Variants in NUS1 observed in about 807,000 individuals in gnomAD.
NUS1 encodes dehydrodolichyl diphosphate synthase complex subunit NUS1.
For synonymous variants in NUS1, 135 were observed against 155.2 expected, an observed-to-expected ratio of 0.87 and a Z score of 0.97; for missense variants, 292 against 382.9, an observed-to-expected ratio of 0.76 and a Z score of 1.98.
intron 1 of NUS1, among the ~76,000 whole-genome samples, chr6:117,678,869 A>G (rs1773021860): frequency 6.6e-6 from 1 of 151,940 alleles, no homozygotes; most frequent in East Asian, 1.9e-4. Context: ...TTCAGTAGAG[A>G]CAGGGTTTTG....
In NUS1 at chr6:117,707,358, G is replaced by A. The variant is rs1001259886; in HGVS notation, c.*343G>A. 3.2e-5 allele frequency: 8 copies of A among 247,958 alleles called. No individual in the cohort carries two copies. The highest frequency in any genetic ancestry group is 6.4e-5 in the Non-Finnish European group (8 of 125,652). The allele number at this position is 247,958 out of a possible 1,614,324, so 15.4% of individuals were successfully genotyped here. ...GCCCAGCTACTTCCCTATTTTTGTG[G>A]GGAGAAGAGGGCCTGATTAGAACTG... On this transcript the variant is annotated 3_prime_UTR_variant, in exon 5 of 5. Coordinates refer to ENST00000368494, the MANE Select transcript of NUS1 (RefSeq NM_138459.5).
In NUS1 at chr6:117,703,586, GTATT is replaced by G. The variant is rs1773459624; in HGVS notation, c.692-9_692-6del. Reference sequence around the variant, plus strand: ...CATGCAGTGCATGTTAAGTTCATGTGTATTTATTTATTTCCAAGGTTCAAATGGT... The same window carrying G: ...CATGCAGTGCATGTTAAGTTCATGTGTATTTATTTCCAAGGTTCAAATGGT... On this transcript the variant is annotated splice_polypyrimidine_tract_variant and intron_variant, in intron 3 of 4. Transcript: ENST00000368494. 6.4e-7 allele frequency: 1 copy of G among 1,564,538 alleles called. No homozygotes were observed. Among genetic ancestry groups the G allele is most frequent in the East Asian group, 2.2e-5 (1 of 44,636 alleles).
rs1382094546 is a variant in NUS1 at position 117,710,205 on chromosome 6, A to T, written c.*3190A>T. ...TGGTTTGTCTTATGCTGCATAGACT[A>T]TTCACCTCCTAACTTGAAGGTCTAA... On this transcript the variant is annotated 3_prime_UTR_variant, in exon 5 of 5. Coordinates refer to ENST00000368494, the MANE Select transcript of NUS1 (RefSeq NM_138459.5). 6.6e-6 allele frequency: 1 copy of T among 152,130 alleles called. No homozygotes were observed. Among genetic ancestry groups the T allele is most frequent in the African/African-American group, 2.4e-5 (1 of 41,428 alleles). 9.4% of individuals were successfully genotyped at this position (152,130 alleles called of 1,614,324 possible). A position where few individuals can be genotyped will look rare whatever the true frequency, so the allele number is the denominator to read the frequency against.
At chr6:117,700,691 G>C (rs1042153586) in intron 3 of NUS1, among the ~76,000 whole-genome samples, 1 of 152,162 alleles carries the variant, frequency 6.6e-6, no homozygotes, top group Non-Finnish European at 1.5e-5. Flanking sequence ...CAATAGCCAA[G>C]ATTTGGAAGC....
rs1773557570 is a variant in NUS1, at chr6:117,710,312, TC to T, written c.*3299del. On this transcript the variant is annotated 3_prime_UTR_variant, in exon 5 of 5. Transcript: ENST00000368494. ...GGCAAATAACTGCTTACTAGGAACT[TC>T]CTTTAGCAAAAATTACTATAAAGTT... is the stretch of plus-strand genomic sequence containing the variant. 1 of 152,050 alleles carries T rather than the reference TC, an allele frequency of 6.6e-6. No individual in the cohort carries two copies. The highest frequency in any genetic ancestry group is 2.4e-5 in the African/African-American group (1 of 41,352). The allele number at this position is 152,050 out of a possible 1,614,324, so 9.4% of individuals were successfully genotyped here.
intron 1 of NUS1, among the ~76,000 whole-genome samples, chr6:117,687,340 A>T (rs1044771721): frequency 2.0e-5 from 3 of 152,254 alleles, no homozygotes; most frequent in Non-Finnish European, 4.4e-5. Flanking sequence ...TTGAACTGCT[A>T]TATGGAAAAT....
intron 3 of NUS1, among the ~76,000 whole-genome samples, chr6:117,697,572 C>T (rs924563551): frequency 1.3e-5 from 2 of 151,856 alleles, no homozygotes; most frequent in Non-Finnish European, 2.9e-5. Flanking sequence ...AGTCCACTAT[C>T]TAGTGATAAA....
intron 1 of NUS1, among the ~76,000 whole-genome samples, chr6:117,682,929 A>G (rs1263331435): frequency 6.6e-6 from 1 of 152,228 alleles, no homozygotes; most frequent in Non-Finnish European, 1.5e-5. Flanking sequence ...CAGGTTATAG[A>G]AATTATTTGT....
chr6:117,676,928 G>T (rs949990083), intron 1 of NUS1, among the ~76,000 whole-genome samples: 9 of 152,174 alleles, frequency 5.9e-5, no homozygotes, highest in African/African-American at 2.2e-4. Context: ...TTTGAACTGG[G>T]TTTATGAAAA....
chr6:117,676,222 G>A (rs1272662548), intron 1 of NUS1, 137 bp downstream of exon 1: 1 of 1,356,532 alleles, frequency 7.4e-7, no homozygotes, highest in Non-Finnish European at 1.0e-6. Flanking sequence ...GAGGAAGGGA[G>A]ATCAGCTTTA....
chr6:117,695,153 C>T (rs1343542330), intron 3 of NUS1, among the ~76,000 whole-genome samples: 2 of 117,008 alleles, frequency 1.7e-5, no homozygotes, highest in African/African-American at 6.7e-5. Context: ...AAGATCGCAT[C>T]AGTACACTCT....
At chr6:117,684,566 T>C (rs1773108859) in intron 1 of NUS1, among the ~76,000 whole-genome samples, 1 of 152,200 alleles carries the variant, frequency 6.6e-6, no homozygotes, top group Non-Finnish European at 1.5e-5. Flanking sequence ...GATGGCATCA[T>C]TTGGACTGAA....
At position 117,693,150 on chromosome 6, in the gene NUS1, A is replaced by G. The variant is rs1438675724; in HGVS notation, c.524A>G (p.Asn175Ser). The change falls in exon 2 of 5, where the codon AAT (asparagine) becomes AGT (serine). Residue 175 changes from asparagine to serine, a missense_variant. Asn to Ser is a conservative substitution (Grantham distance 46, BLOSUM62 1). Transcript: ENST00000368494. Reference protein sequence around the residue: ...SKYSPEFANSNDKDDQVLNCH... With the variant: ...SKYSPEFANSSDKDDQVLNCH... Reference sequence around the variant, plus strand: ...TACTCACCAGAATTTGCAAATAGTAATGACAAAGATGATCAAGGTAAGCAT... The same window carrying G: ...TACTCACCAGAATTTGCAAATAGTAGTGACAAAGATGATCAAGGTAAGCAT... The G allele has an allele frequency of 2.5e-6, 4 of 1,612,740 alleles. No homozygotes were observed. Among genetic ancestry groups the G allele is most frequent in the Non-Finnish European group, 3.4e-6 (4 of 1,179,092 alleles).
At chr6:117,703,320 T>C (rs562169549) in intron 3 of NUS1, among the ~76,000 whole-genome samples, 190 of 152,298 alleles carry the variant, frequency 1.2e-3, no homozygotes, top group Non-Finnish European at 1.4e-3. Context: ...GGGCACCTAT[T>C]GGGTATAGTG....
At position 117,695,877 on chromosome 6, in the gene NUS1, C is replaced by T. The variant is rs1175307281; in HGVS notation, c.691+1697C>T. On this transcript the variant is annotated intron_variant, in intron 3 of 4. Coordinates refer to ENST00000368494, the MANE Select transcript of NUS1 (RefSeq NM_138459.5). ...TTTTGAGGTTCATCTATGTAAAATG[C>T]ATTAGTTATTCATTGTTTTTTATTG... Among the ~76,000 whole-genome samples the T allele has an allele frequency of 2.0e-5, 3 of 151,984 alleles. No individual in the cohort carries two copies. In the East Asian group the frequency reaches 5.8e-4, roughly 29 times the overall value.
chr6:117,682,117 C>T (rs1226130907), intron 1 of NUS1, among the ~76,000 whole-genome samples: 1 of 152,160 alleles, frequency 6.6e-6, no homozygotes, highest in African/African-American at 2.4e-5. Context: ...CAGGTGTGAG[C>T]CACCGTGCCC....
In NUS1 at chr6:117,676,905, G is replaced by A. The variant is rs533238095; in HGVS notation, c.415+820G>A. Among the ~76,000 whole-genome samples, 3 of 152,322 alleles carry A rather than the reference G, an allele frequency of 2.0e-5. No homozygotes were observed. In the South Asian group the frequency reaches 6.2e-4, roughly 32 times the overall value. On this transcript the variant is annotated intron_variant, in intron 1 of 4. Coordinates refer to ENST00000368494, the MANE Select transcript of NUS1 (RefSeq NM_138459.5). ...TAGGTACTGCAAATGGGAGCGGTGGGGGTCAGGTGGTATTTGAACTGGGTT... is the reference window on the plus strand; with the variant it reads ...TAGGTACTGCAAATGGGAGCGGTGGAGGTCAGGTGGTATTTGAACTGGGTT...
chr6:117,687,980 C>A (rs1277516587), intron 1 of NUS1, among the ~76,000 whole-genome samples: 1 of 151,906 alleles, frequency 6.6e-6, no homozygotes, highest in Non-Finnish European at 1.5e-5. Context: ...TTTTTGAGGC[C>A]CGAGGAGGAA....
intron 1 of NUS1, among the ~76,000 whole-genome samples, chr6:117,676,668 C>A (rs1029033638): frequency 3.3e-5 from 5 of 152,172 alleles, no homozygotes; most frequent in Non-Finnish European, 7.3e-5. Flanking sequence ...TATACCCTTG[C>A]CAAGGTTTAA....
Sources: gnomAD v4.1 joint callset for allele counts (sites outside exome capture counted in the v4.1 genomes callset) on GRCh38, gnomAD v4.1.1 for gene constraint, MANE v1.5 for transcripts, NCBI Gene and HGNC (gene_info 2026-07-23, HGNC 2026-07-21) for gene names.